Variants in MXI1 observed in about 807,000 individuals in gnomAD.
MXI1 encodes MAX interactor 1, dimerization protein.
MXI1 carries 18 observed loss-of-function variants against 36.9 expected under a neutral mutation model. That is an observed-to-expected ratio of 0.49 (90% CI 0.34 to 0.72). The LOEUF (loss-of-function observed/expected upper bound fraction) is 0.72. MXI1 is among the 30% of genes least tolerant of loss of function. The pLI, the probability that MXI1 is intolerant of heterozygous loss-of-function variation, is 0.01. For synonymous variants in MXI1, 160 were observed against 146.7 expected (o/e 1.09, Z -0.65); for missense variants, 304 against 379.1 (o/e 0.80, Z 1.64).
rs75056095 is a variant in MXI1 at position 110,212,349 on chromosome 10, G to A, written c.274+4267G>A. 8.1e-4 allele frequency among the ~76,000 whole-genome samples: 123 copies of A among 152,272 alleles called. 2 individuals carry two copies. The East Asian group carries it at 0.021, about 26-fold the overall frequency. ...CTTCTGACTTAATCTCCTCTTCCTT[G>A]CCCTGAAACCTCTGTGTCTGTACAG... On this transcript the variant is annotated intron_variant, in intron 1 of 5. Coordinates refer to ENST00000332674, the MANE Select transcript of MXI1 (RefSeq NM_130439.3).
chr10:110,213,448 A>G (rs1044618083), intron 1 of MXI1, among the ~76,000 whole-genome samples: 35 of 152,228 alleles, frequency 2.3e-4, no homozygotes, highest in Admixed American at 1.4e-3. Flanking sequence ...TGTGAAGAGC[A>G]TTCTTAAATC....
intron 1 of MXI1, among the ~76,000 whole-genome samples, chr10:110,216,735 C>T (rs1854657286): frequency 7.5e-6 from 1 of 133,824 alleles, no homozygotes; most frequent in South Asian, 2.3e-4. Context: ...GGCACAATCT[C>T]AGCTCACTGC....
intron 5 of MXI1, among the ~76,000 whole-genome samples, chr10:110,282,657 ATT>A (rs113928073): frequency 2.8e-4 from 42 of 150,574 alleles, no homozygotes; most frequent in Non-Finnish European, 5.8e-4. Flanking sequence ...TATAGCTCTC[ATT>A]TTTTTTTAGT....
chr10:110,252,541 A>G (rs1390442404), intron 3 of MXI1, among the ~76,000 whole-genome samples: 1 of 152,094 alleles, frequency 6.6e-6, no homozygotes, highest in Non-Finnish European at 1.5e-5. Context: ...CTGCTTAGAG[A>G]ATAATAATCA....
intron 3 of MXI1, among the ~76,000 whole-genome samples, chr10:110,274,492 C>CTA (rs372347609): frequency 1.3e-5 from 2 of 152,172 alleles, no homozygotes; most frequent in African/African-American, 4.8e-5. Flanking sequence ...CTTTGTTTTA[C>CTA]TATAACTCAT....
At chr10:110,222,049 T>G (rs1854825764) in intron 1 of MXI1, among the ~76,000 whole-genome samples, 1 of 152,154 alleles carries the variant, frequency 6.6e-6, no homozygotes, top group Non-Finnish European at 1.5e-5. Context: ...CGCATGAACT[T>G]AGGCAAGGCT....
chr10:110,216,582 C>A (rs773068560), intron 1 of MXI1, among the ~76,000 whole-genome samples: 3 of 150,446 alleles, frequency 2.0e-5, no homozygotes, highest in African/African-American at 4.9e-5. Flanking sequence ...TTCTAGCTAT[C>A]ATTATAGACA....
intron 1 of MXI1, 144 bp from the exon 2 acceptor site, chr10:110,228,045 A>T: frequency 1.1e-6 from 1 of 880,824 alleles, no homozygotes; most frequent in Non-Finnish European, 1.7e-6. Context: ...GAGGGACATT[A>T]ATTTTCTAAC....
At chr10:110,249,507 A>G (rs1054824269) in intron 3 of MXI1, among the ~76,000 whole-genome samples, 4 of 150,994 alleles carry the variant, frequency 2.6e-5, no homozygotes, top group African/African-American at 9.8e-5. Context: ...TGAACCTGGG[A>G]GGTAGAGGTT....
At chr10:110,275,440 A>G (rs1044831556) in intron 3 of MXI1, among the ~76,000 whole-genome samples, 12 of 152,208 alleles carry the variant, frequency 7.9e-5, no homozygotes, top group African/African-American at 2.9e-4. Flanking sequence ...AGCATCATTG[A>G]AAAGGAAGAA....
intron 1 of MXI1, among the ~76,000 whole-genome samples, chr10:110,209,283 A>G (rs1174407328): frequency 6.6e-6 from 1 of 152,114 alleles, no homozygotes; most frequent in Non-Finnish European, 1.5e-5. Flanking sequence ...TGTCCGAACA[A>G]GTAGGAAGAT....
intron 1 of MXI1, among the ~76,000 whole-genome samples, chr10:110,211,341 G>A (rs1421788886): frequency 6.6e-6 from 1 of 152,228 alleles, no homozygotes; most frequent in Non-Finnish European, 1.5e-5. Context: ...TGGGGCCGGA[G>A]GCTGGGTGGG....
At chr10:110,210,377 T>C in intron 1 of MXI1, 1 of 729,990 alleles carries the variant, frequency 1.4e-6, no homozygotes, top group Non-Finnish European at 1.7e-6. Context: ...GGCGGGAGTA[T>C]TTTTAGCTCT....
At chr10:110,279,057 A>T in intron 3 of MXI1, 123 bp from the exon 4 acceptor site, 2 of 662,432 alleles carry the variant, frequency 3.0e-6, no homozygotes, top group Non-Finnish European at 5.2e-6. Flanking sequence ...GTGGAGAATT[A>T]GGGGTGTGAC....
At chr10:110,257,141 T>A (rs1191776731) in intron 3 of MXI1, 1 of 152,234 alleles carries the variant, frequency 6.6e-6, no homozygotes, top group Non-Finnish European at 1.5e-5. Context: ...GAATTGTTCC[T>A]TTGGCCACAG....
intron 3 of MXI1, among the ~76,000 whole-genome samples, chr10:110,251,010 T>TTTTTTTTTTTTTTTTTTTTTTTGAGACGG (rs376734108): frequency 2.9e-4 from 16 of 54,976 alleles, no homozygotes; most frequent in African/African-American, 5.0e-4. Context: ...AAGTATTTGT[T>TTTTTTTTTTTTTTTTTTTTTTTGAGACGG]AAAAAAAAAA....
intron 1 of MXI1, among the ~76,000 whole-genome samples, chr10:110,218,278 G>A (rs543098595): frequency 2.0e-5 from 3 of 152,094 alleles, no homozygotes; most frequent in East Asian, 1.9e-4. Context: ...CTGAAATCCC[G>A]TCTCTACTAA....
At position 110,261,240 on chromosome 10, in the gene MXI1, T is replaced by C. The variant is rs1383469396; in HGVS notation, c.437+16383T>C. On this transcript the variant is annotated intron_variant, in intron 3 of 5. Transcript: ENST00000332674. Reference sequence around the variant, plus strand: ...TGCTTTGATAATCTGCCAAGCCCCATTCCTAATTCTAGGACATGTCTACTG... The same window carrying C: ...TGCTTTGATAATCTGCCAAGCCCCACTCCTAATTCTAGGACATGTCTACTG... 6.0e-6 allele frequency: 4 copies of C among 661,274 alleles called. No individual in the cohort carries two copies. The South Asian group carries it at 2.7e-4, about 45-fold the overall frequency. The allele number at this position is 661,274 out of a possible 1,614,324, so 41.0% of individuals were successfully genotyped here. A position where few individuals can be genotyped will look rare whatever the true frequency, so the allele number is the denominator to read the frequency against.
intron 3 of MXI1, among the ~76,000 whole-genome samples, chr10:110,275,821 A>C (rs1299383312): frequency 6.6e-6 from 1 of 152,196 alleles, no homozygotes; most frequent in Admixed American, 6.5e-5. Context: ...TCATATTAAT[A>C]CCGATTTTGG....
Sources: allele counts gnomAD v4.1 joint callset (sites outside exome capture counted in the v4.1 genomes callset), GRCh38; gene constraint gnomAD v4.1.1; transcripts MANE v1.5; gene names NCBI Gene and HGNC (gene_info 2026-07-23, HGNC 2026-07-21).